The following NXPE2 variants were observed in gnomAD, a reference collection of about 807,000 sequenced individuals.
NXPE2 encodes the protein neurexophilin and PC-esterase domain family member 2, also known as NXPE family member 2.
In NXPE2, 34 loss-of-function variants were observed where a neutral mutation model predicts 34.4. The ratio of observed to expected loss-of-function variants is 0.99; its 90% confidence interval spans 0.75 to 1.31. NXPE2 has a LOEUF of 1.31. Among genes scored for constraint, NXPE2 ranks in the 40% most tolerant of loss-of-function variants. NXPE2 has a pLI of 0.00. For synonymous variants in NXPE2, 235 were observed against 231.3 expected, an observed-to-expected ratio of 1.02 and a Z score of -0.15; for missense variants, 649 against 672.5, an observed-to-expected ratio of 0.97 and a Z score of 0.39.
chr11:114,698,227 C>T lies in NXPE2; in HGVS notation c.315C>T (p.Thr105=). The T allele has an allele frequency of 6.2e-7, 1 of 1,613,822 alleles. No individual in the cohort carries two copies. The highest frequency in any genetic ancestry group is 1.3e-5 in the African/African-American group (1 of 75,034). The change falls in exon 3 of 6, where the codon ACC becomes ACT. Residue 105 remains threonine, a synonymous_variant. Coordinates refer to ENST00000389586, the MANE Select transcript of NXPE2 (RefSeq NM_182495.6). ...IPPRPFTHVN[T]TTSATHSTAT... is the part of the protein sequence containing the mutation. ...CCAGACCTTTCACCCATGTGAATAC[C>T]ACCACCAGTGCCACACACAGCACAG...
chr11:114,704,193 A>G (rs994787486), intron 4 of NXPE2, 141 bp downstream of exon 4: 45 of 629,316 alleles, frequency 7.2e-5, no homozygotes, highest in Non-Finnish European at 1.1e-4. Context: ...TGGGTTTTAG[A>G]GAAGGGATTT....
At chr11:114,700,753 A>G (rs994518195) in intron 3 of NXPE2, among the ~76,000 whole-genome samples, 1 of 152,172 alleles carries the variant, frequency 6.6e-6, no homozygotes, top group Non-Finnish European at 1.5e-5. Flanking sequence ...CTTCTCAGAA[A>G]CTTTAATATG....
At chr11:114,812,455 GT>G in the NXPE2 span, among the ~76,000 whole-genome samples, 1 of 152,224 alleles carries the variant, frequency 6.6e-6, no homozygotes, top group Admixed American at 6.5e-5. Flanking sequence ...TTATAGAAAT[GT>G]TCCAGCAATG....
At chr11:114,753,805 A>G in the NXPE2 span, among the ~76,000 whole-genome samples, 2 of 152,220 alleles carry the variant, frequency 1.3e-5, no homozygotes, top group Admixed American at 6.5e-5. Flanking sequence ...AGAACATTCT[A>G]TCCTCACCAA....
At chr11:114,638,793 G>A in the NXPE2 span, among the ~76,000 whole-genome samples, 8 of 151,990 alleles carry the variant, frequency 5.3e-5, no homozygotes, top group Non-Finnish European at 8.8e-5. Flanking sequence ...TTCGTGAACC[G>A]TGAATGCTGC....
the NXPE2 span, among the ~76,000 whole-genome samples, chr11:114,572,141 C>G: frequency 2.6e-5 from 4 of 152,080 alleles, no homozygotes; most frequent in Non-Finnish European, 2.9e-5. Context: ...TTGCGAGACT[C>G]AGGAAGCCCC....
the NXPE2 span, among the ~76,000 whole-genome samples, chr11:114,600,053 T>G: frequency 6.6e-6 from 1 of 152,258 alleles, no homozygotes; most frequent in Admixed American, 6.5e-5. Context: ...AAATACAAAG[T>G]GAGCATTAGA....
chr11:114,601,752 AAT>A, the NXPE2 span, among the ~76,000 whole-genome samples: 2 of 72,870 alleles, frequency 2.7e-5, no homozygotes, highest in African/African-American at 5.6e-5. Context: ...TATAATATAT[AAT>A]ATATATGTGA....
the NXPE2 span, among the ~76,000 whole-genome samples, chr11:114,643,698 T>C: frequency 1.3e-5 from 2 of 151,188 alleles, no homozygotes; most frequent in South Asian, 4.2e-4. Context: ...GCATGATGCC[T>C]CCACCTTTGT....
At chr11:114,769,716 G>A in the NXPE2 span, among the ~76,000 whole-genome samples, 1 of 152,138 alleles carries the variant, frequency 6.6e-6, no homozygotes, top group Admixed American at 6.5e-5. Flanking sequence ...CACAGGAACA[G>A]AAATCCAAAC....
At chr11:114,518,622 A>G in the NXPE2 span, among the ~76,000 whole-genome samples, 2 of 152,352 alleles carry the variant, frequency 1.3e-5, no homozygotes, top group South Asian at 4.1e-4. Context: ...TGGGCAGACC[A>G]TCACTTTGCT....
At chr11:114,713,902 A>G in the NXPE2 span, among the ~76,000 whole-genome samples, 2 of 152,220 alleles carry the variant, frequency 1.3e-5, no homozygotes, top group African/African-American at 2.4e-5. Flanking sequence ...GTACAGCATG[A>G]GTTTTCAATG....
At chr11:114,545,241 T>C in the NXPE2 span, among the ~76,000 whole-genome samples, 1 of 152,242 alleles carries the variant, frequency 6.6e-6, no homozygotes, top group Non-Finnish European at 1.5e-5. Context: ...TGAATGCTTA[T>C]GTCCACACAA....
the NXPE2 span, among the ~76,000 whole-genome samples, chr11:114,557,634 CATATATATATATAT>C: frequency 0.03 from 3,901 of 128,392 alleles, 162 homozygotes; most frequent in African/African-American, 0.095. Flanking sequence ...ATATATAATA[CATATATATATATAT>C]ATATATATAT....
At chr11:114,647,143 T>C in the NXPE2 span, among the ~76,000 whole-genome samples, 4 of 152,328 alleles carry the variant, frequency 2.6e-5, no homozygotes, top group African/African-American at 9.6e-5. Context: ...TAAATAAAAC[T>C]GCTAATTACA....
chr11:114,633,007 ATATT>A, the NXPE2 span, among the ~76,000 whole-genome samples: 1 of 106,184 alleles, frequency 9.4e-6, no homozygotes, highest in Non-Finnish European at 1.7e-5. Flanking sequence ...ATAATAATAT[ATATT>A]ATATAATATA....
chr11:114,747,360 T>C, the NXPE2 span, among the ~76,000 whole-genome samples: 1 of 151,806 alleles, frequency 6.6e-6, no homozygotes, highest in African/African-American at 2.4e-5. Context: ...AAACAGATAT[T>C]GGAGAAGAGT....
chr11:114,726,811 T>A, the NXPE2 span, among the ~76,000 whole-genome samples: 4 of 152,224 alleles, frequency 2.6e-5, no homozygotes, highest in Admixed American at 2.6e-4. Flanking sequence ...ACACGGTTTA[T>A]CCAAGTTCTT....
the NXPE2 span, among the ~76,000 whole-genome samples, chr11:114,810,126 C>A: frequency 6.9e-6 from 1 of 145,086 alleles, no homozygotes; most frequent in African/African-American, 2.5e-5. Context: ...GCTGGGAAAA[C>A]TGGCTAGCCA....
Sources: allele counts gnomAD v4.1 joint callset (sites outside exome capture counted in the v4.1 genomes callset), GRCh38; gene constraint gnomAD v4.1.1; transcripts MANE v1.5; gene names NCBI Gene and HGNC (gene_info 2026-07-23, HGNC 2026-07-21).